The following PREX2 variants were observed in gnomAD, a reference collection of about 807,000 sequenced individuals.
PREX2 encodes the protein phosphatidylinositol-3,4,5-trisphosphate dependent Rac exchange factor 2.
PREX2 carries 107 observed loss-of-function variants against 203.2 expected under a neutral mutation model. The observed-to-expected ratio is 0.53, with a 90% confidence interval of 0.45 to 0.62. PREX2 has a LOEUF of 0.62. Ranked by LOEUF, PREX2 falls within the 20% of genes least tolerant of loss-of-function variation. PREX2 has a pLI of 0.00. For missense variants in PREX2, 1,777 were observed against 1,955.9 expected (o/e 0.91, Z 1.72); for synonymous variants, 672 against 663.6 (o/e 1.01, Z -0.19).
intron 34 of PREX2, among the ~76,000 whole-genome samples, chr8:68,150,832 C>T (rs1382444200): frequency 6.6e-6 from 1 of 152,184 alleles, no homozygotes; most frequent in South Asian, 2.1e-4. Flanking sequence ...TATTCTGCCA[C>T]AGTTCTGAAG....
intron 35 of PREX2, among the ~76,000 whole-genome samples, chr8:68,179,711 G>A (rs1162849992): frequency 6.6e-6 from 1 of 152,086 alleles, no homozygotes; most frequent in Non-Finnish European, 1.5e-5. Flanking sequence ...ACAGAATATT[G>A]CTTTGTACCT....
chr8:68,024,651 A>G (rs1807662855), intron 4 of PREX2, among the ~76,000 whole-genome samples: 1 of 151,892 alleles, frequency 6.6e-6, no homozygotes, highest in Non-Finnish European at 1.5e-5. Flanking sequence ...AATTATTGAT[A>G]TGATGGTATT....
At chr8:68,218,590 G>A (rs1812891004) in intron 38 of PREX2, among the ~76,000 whole-genome samples, 1 of 152,194 alleles carries the variant, frequency 6.6e-6, no homozygotes, top group African/African-American at 2.4e-5. Flanking sequence ...TTTAAGATAT[G>A]CTTTGTAATT....
intron 38 of PREX2, among the ~76,000 whole-genome samples, chr8:68,222,611 A>T (rs975745507): frequency 1.1e-4 from 16 of 152,202 alleles, no homozygotes; most frequent in Middle Eastern, 3.4e-3. Flanking sequence ...TGTAGACAAG[A>T]TACACCAACA....
intron 4 of PREX2, among the ~76,000 whole-genome samples, chr8:68,024,704 T>C (rs1234981892): frequency 6.6e-6 from 1 of 152,020 alleles, no homozygotes; most frequent in African/African-American, 2.4e-5. Context: ...GTCTTTTTTG[T>C]TTGTTTCTCT....
chr8:68,055,686 C>G, intron 9 of PREX2, 144 bp from the exon 10 acceptor site: 1 of 715,226 alleles, frequency 1.4e-6, no homozygotes, highest in Non-Finnish European at 2.3e-6. Context: ...TTCTTGAACA[C>G]CAGGGCACTA....
At chr8:68,065,198 G>T (rs985094245) in intron 11 of PREX2, among the ~76,000 whole-genome samples, 3 of 152,214 alleles carry the variant, frequency 2.0e-5, no homozygotes, top group African/African-American at 7.2e-5. Context: ...GGCTCTCCCT[G>T]TCGAATAGGT....
chr8:68,105,506 C>A, intron 23 of PREX2: 1 of 1,160,118 alleles, frequency 8.6e-7, no homozygotes, highest in Non-Finnish European at 1.1e-6. Flanking sequence ...AGAGAATCTT[C>A]TGCCAGCTCT....
At chr8:68,125,627 G>A (rs1263643946) in intron 30 of PREX2, among the ~76,000 whole-genome samples, 2 of 152,044 alleles carry the variant, frequency 1.3e-5, no homozygotes, top group Non-Finnish European at 2.9e-5. Flanking sequence ...GTAAGTTATG[G>A]CCTCATATTA....
chr8:68,168,188 A>G (rs1185907276), intron 35 of PREX2, among the ~76,000 whole-genome samples: 1 of 152,176 alleles, frequency 6.6e-6, no homozygotes, highest in African/African-American at 2.4e-5. Flanking sequence ...TTATCTTGGT[A>G]TCACCCATTG....
Position 68,102,917 on chromosome 8 carries a change from T to C in PREX2, c.2715+3074T>C, listed in dbSNP as rs150481872. ...AGATGTTTTTCTCTGTGGAGCAGGA[T>C]TTGGGGACAATTCGGAAGTAAAATT... On this transcript the variant is annotated intron_variant, in intron 23 of 39. Transcript: ENST00000288368. The C allele has an allele frequency of 1.7e-3, 886 of 518,154 alleles. 8 individuals are homozygous for C. Among genetic ancestry groups the C allele is most frequent in the African/African-American group, 0.016 (819 of 52,076 alleles). The allele number at this position is 518,154 out of a possible 1,614,324, so 32.1% of individuals were successfully genotyped here. A position where few individuals can be genotyped will look rare whatever the true frequency, so the allele number is the denominator to read the frequency against.
intron 7 of PREX2, 47 bp from the exon 8 acceptor site, chr8:68,044,440 T>A: frequency 7.5e-7 from 1 of 1,332,842 alleles, no homozygotes; most frequent in Non-Finnish European, 1.1e-6. Flanking sequence ...TGACATTGTT[T>A]TACATTGTTT....
chr8:68,026,955 T>G (rs137888399), intron 4 of PREX2, among the ~76,000 whole-genome samples: 2 of 152,176 alleles, frequency 1.3e-5, no homozygotes, highest in East Asian at 3.9e-4. Flanking sequence ...CATCTCTCCA[T>G]CTCTTTCCCA....
intron 8 of PREX2, among the ~76,000 whole-genome samples, chr8:68,047,427 C>T (rs1293390345): frequency 1.4e-5 from 2 of 144,914 alleles, no homozygotes; most frequent in East Asian, 4.1e-4. Context: ...AAAAAACAAG[C>T]ACCTATACCA....
At chr8:68,036,394 C>T (rs988575098) in intron 6 of PREX2, among the ~76,000 whole-genome samples, 55 of 152,138 alleles carry the variant, frequency 3.6e-4, no homozygotes, top group African/African-American at 1.2e-3. Context: ...TTGAGGTACT[C>T]GGGTGATTTA....
chr8:68,097,106 G>C lies in PREX2; in HGVS notation c.2458G>C (p.Gly820Arg). Reference sequence around the variant, plus strand: ...AGTGGACAATGTCCACCTGGAATATGGTGTCGTGTATGAGTACGACAGCAC... The same window carrying C: ...AGTGGACAATGTCCACCTGGAATATCGTGTCGTGTATGAGTACGACAGCAC... ...LTVDNVHLEY[G>R]VVYEYDSTAG... The change falls in exon 22 of 40, where the codon GGT (glycine) becomes CGT (arginine). Residue 820 changes from glycine to arginine, a missense_variant. Coordinates refer to ENST00000288368, the MANE Select transcript of PREX2 (RefSeq NM_024870.4). 1 of 1,613,946 alleles carries C rather than the reference G, an allele frequency of 6.2e-7. No homozygotes were observed. The highest frequency in any genetic ancestry group is 8.5e-7 in the Non-Finnish European group (1 of 1,179,910).
chr8:68,224,223 C>T (rs964770772), intron 38 of PREX2, among the ~76,000 whole-genome samples: 1 of 151,974 alleles, frequency 6.6e-6, no homozygotes, highest in African/African-American at 2.4e-5. Context: ...CACTATGTTT[C>T]CCAGGCTGGT....
chr8:68,139,981 A>T (rs574775222), intron 33 of PREX2, among the ~76,000 whole-genome samples: 1 of 152,320 alleles, frequency 6.6e-6, no homozygotes, highest in South Asian at 2.1e-4. Context: ...TTTGTGATAT[A>T]ACCTGATATG....
intron 1 of PREX2, among the ~76,000 whole-genome samples, chr8:68,014,702 A>G (rs888087464): frequency 6.6e-5 from 10 of 152,204 alleles, no homozygotes; most frequent in African/African-American, 2.4e-4. Context: ...AAGTGAAATA[A>G]GTAAACTCGA....
Sources: gnomAD v4.1 joint callset for allele counts (sites outside exome capture counted in the v4.1 genomes callset) on GRCh38, gnomAD v4.1.1 for gene constraint, MANE v1.5 for transcripts, NCBI Gene and HGNC (gene_info 2026-07-23, HGNC 2026-07-21) for gene names.